The following ANO1 variants were observed in gnomAD, a reference collection of about 807,000 sequenced individuals.
The protein encoded by ANO1 is anoctamin-1.
Under a neutral mutation model 124.0 loss-of-function variants are expected in ANO1, and 59 were observed. The observed-to-expected ratio is 0.48, with a 90% CI of 0.39 to 0.59. The LOEUF (loss-of-function observed/expected upper bound fraction) is 0.59. ANO1 is among the 20% of genes least tolerant of loss of function. The pLI, the probability that ANO1 is intolerant of heterozygous loss-of-function variation, is 0.00. For synonymous variants in ANO1, 529 were observed against 532.0 expected (o/e 0.99, Z 0.08); for missense variants, 1,059 against 1,328.0 (o/e 0.80, Z 3.15).
intron 1 of ANO1, among the ~76,000 whole-genome samples, chr11:70,008,301 A>G (rs1856530156): frequency 6.6e-6 from 1 of 152,214 alleles, no homozygotes; most frequent in South Asian, 2.1e-4. Context: ...CTGTGGTCTC[A>G]TATCCAAGAA....
chr11:70,006,709 A>C (rs1591029822), intron 1 of ANO1, among the ~76,000 whole-genome samples: 1 of 104,698 alleles, frequency 9.6e-6, no homozygotes, highest in Non-Finnish European at 1.7e-5. Flanking sequence ...TCACTCTGTG[A>C]CCCAGACTGG....
intron 7 of ANO1, among the ~76,000 whole-genome samples, chr11:70,113,911 C>G (rs149557359): frequency 6.6e-6 from 1 of 152,170 alleles, no homozygotes; most frequent in Non-Finnish European, 1.5e-5. Context: ...TAGTGACACT[C>G]TGCAACTCCA....
At chr11:70,113,717 CTT>C (rs976615976) in intron 7 of ANO1, among the ~76,000 whole-genome samples, 2 of 152,106 alleles carry the variant, frequency 1.3e-5, no homozygotes, top group Non-Finnish European at 2.9e-5. Context: ...TGAGTTAGCC[CTT>C]TAAGTCTTAA....
intron 23 of ANO1, 58 bp downstream of exon 23, chr11:70,180,114 C>CG: frequency 1.3e-6 from 2 of 1,524,590 alleles, no homozygotes; most frequent in South Asian, 2.2e-5. Context: ...GCCAGGTGGC[C>CG]GGGGCCCTGT....
chr11:70,167,427 A>T (rs1590905729), intron 21 of ANO1, 40 bp downstream of exon 21: 2 of 1,585,214 alleles, frequency 1.3e-6, no homozygotes, highest in Admixed American at 3.6e-5. Flanking sequence ...ATCAGGATAG[A>T]AACAGGCCAG....
chr11:70,035,844 G>T (rs1286612451), intron 1 of ANO1, among the ~76,000 whole-genome samples: 1 of 152,100 alleles, frequency 6.6e-6, no homozygotes, highest in African/African-American at 2.4e-5. Flanking sequence ...TCCCTGCAAA[G>T]CATATGGACT....
chr11:70,106,540 G>A (rs1211897313), intron 5 of ANO1, among the ~76,000 whole-genome samples: 6 of 152,134 alleles, frequency 3.9e-5, no homozygotes, highest in Admixed American at 2.0e-4. Flanking sequence ...GCAGGAGGTC[G>A]GTGCAGGTCG....
At chr11:70,017,055 C>T (rs1591036606) in intron 1 of ANO1, among the ~76,000 whole-genome samples, 1 of 152,246 alleles carries the variant, frequency 6.6e-6, no homozygotes, top group South Asian at 2.1e-4. Flanking sequence ...GCAGGGCTCA[C>T]TGCCCACTTC....
At chr11:69,973,706 T>C in the ANO1 span, among the ~76,000 whole-genome samples, 2 of 151,820 alleles carry the variant, frequency 1.3e-5, no homozygotes, top group African/African-American at 4.8e-5. Flanking sequence ...ACCCCATCTC[T>C]ACTAAAAATA....
At chr11:69,979,191 G>A in the ANO1 span, among the ~76,000 whole-genome samples, 1 of 152,196 alleles carries the variant, frequency 6.6e-6, no homozygotes, top group Non-Finnish European at 1.5e-5. Context: ...GATTTTGAAC[G>A]TAGTGAATGA....
At chr11:70,121,492 T>C (rs2046268184) in intron 8 of ANO1, among the ~76,000 whole-genome samples, 1 of 142,968 alleles carries the variant, frequency 7.0e-6, no homozygotes. Context: ...CTCCCCCACC[T>C]CTCTGTCTGT....
chr11:70,025,582 T>C (rs1294531630), intron 1 of ANO1, among the ~76,000 whole-genome samples: 1 of 150,998 alleles, frequency 6.6e-6, no homozygotes, highest in South Asian at 2.1e-4. Flanking sequence ...ATGATGGAGG[T>C]AGTGATGACA....
intron 1 of ANO1, among the ~76,000 whole-genome samples, chr11:70,047,810 G>A (rs1280460667): frequency 6.6e-6 from 1 of 152,176 alleles, no homozygotes; most frequent in Non-Finnish European, 1.5e-5. Context: ...ACCTGAGACA[G>A]GGCAAATGAC....
At chr11:70,004,274 A>G (rs1429280283) in intron 1 of ANO1, among the ~76,000 whole-genome samples, 3 of 134,996 alleles carry the variant, frequency 2.2e-5, no homozygotes, top group East Asian at 3.0e-4. Flanking sequence ...GTAGTCCAGA[A>G]CACAGTTACA....
chr11:70,014,084 C>T (rs1856653828), intron 1 of ANO1, among the ~76,000 whole-genome samples: 1 of 152,086 alleles, frequency 6.6e-6, no homozygotes, highest in Non-Finnish European at 1.5e-5. Flanking sequence ...CCCATGGGGC[C>T]GTAGTTTAAC....
chr11:70,025,079 G>A (rs1452450242), intron 1 of ANO1, among the ~76,000 whole-genome samples: 1 of 152,164 alleles, frequency 6.6e-6, no homozygotes, highest in Non-Finnish European at 1.5e-5. Context: ...TTCCATGGCT[G>A]TTCAGGAAAC....
intron 7 of ANO1, among the ~76,000 whole-genome samples, chr11:70,114,941 T>C (rs2045920994): frequency 6.6e-6 from 1 of 152,192 alleles, no homozygotes. Flanking sequence ...AGGACTTTGA[T>C]ATTTATGTTG....
At chr11:69,985,628 GGGGGTGCACCTCGCA>G (rs1369359704), upstream of ANO1, among the ~76,000 whole-genome samples, 1 of 152,214 alleles carries the variant, frequency 6.6e-6, no homozygotes, top group Non-Finnish European at 1.5e-5. Context: ...GGCCCTGGCT[GGGGGTGCACCTCGCA>G]GGGCCGCTCG....
intron 1 of ANO1, among the ~76,000 whole-genome samples, chr11:70,046,454 G>A (rs1857261252): frequency 6.6e-6 from 1 of 152,160 alleles, no homozygotes; most frequent in African/African-American, 2.4e-5. Context: ...CAAAAGAAGA[G>A]GCTAAGAGTA....
Sources: gnomAD v4.1 joint callset for allele counts (sites outside exome capture counted in the v4.1 genomes callset) on GRCh38, gnomAD v4.1.1 for gene constraint, MANE v1.5 for transcripts, NCBI Gene and HGNC (gene_info 2026-07-23, HGNC 2026-07-21) for gene names.